The following NUDT3 variants were observed in gnomAD, a reference collection of about 807,000 sequenced individuals.
NUDT3 encodes diphosphoinositol polyphosphate phosphohydrolase 1.
Under a neutral mutation model 23.6 loss-of-function variants are expected in NUDT3, and 9 were observed. The ratio of observed to expected loss-of-function variants is 0.38; its 90% CI spans 0.23 to 0.66. The LOEUF (loss-of-function observed/expected upper bound fraction) is 0.66. NUDT3 is among the 30% of genes least tolerant of loss of function. NUDT3 has a pLI of 0.52. For missense variants in NUDT3, 172 were observed against 218.5 expected, an observed-to-expected ratio of 0.79 and a Z score of 1.34; for synonymous variants, 86 against 82.6, an observed-to-expected ratio of 1.04 and a Z score of -0.22.
chr6:34,341,830 G>A, intron 2 of NUDT3, 32 bp downstream of exon 2: 2 of 1,593,304 alleles, frequency 1.3e-6, no homozygotes, highest in South Asian at 2.2e-5. Context: ...TGATGACGAG[G>A]CACAGCTGTG....
chr6:34,362,871 A>G (rs943438492), intron 1 of NUDT3, among the ~76,000 whole-genome samples: 3 of 152,072 alleles, frequency 2.0e-5, no homozygotes, highest in Non-Finnish European at 2.9e-5. Flanking sequence ...TTTAAAGAGA[A>G]TAATTCAGAC....
At chr6:34,351,198 TAA>T (rs71000051) in intron 1 of NUDT3, among the ~76,000 whole-genome samples, 207 of 17,868 alleles carry the variant, frequency 0.012, 1 homozygote, top group East Asian at 0.082. Context: ...CTCCCCTGCC[TAA>T]AAAAAAAAAA....
intron 1 of NUDT3, among the ~76,000 whole-genome samples, chr6:34,382,808 A>G (rs1765044026): frequency 6.6e-6 from 1 of 151,424 alleles, no homozygotes; most frequent in African/African-American, 2.4e-5. Flanking sequence ...ACCAACCTGG[A>G]TGACAGAGCA....
At chr6:34,327,600 A>G (rs1009812684) in intron 2 of NUDT3, among the ~76,000 whole-genome samples, 1 of 152,166 alleles carries the variant, frequency 6.6e-6, no homozygotes, top group African/African-American at 2.4e-5. Context: ...GCTATCTTCT[A>G]AGAACTTCAA....
intron 1 of NUDT3, among the ~76,000 whole-genome samples, chr6:34,374,135 C>T (rs145798964): frequency 2.2e-3 from 268 of 119,754 alleles, no homozygotes; most frequent in African/African-American, 7.9e-3. Context: ...CCAGCCTGGG[C>T]GACAGAACAA....
At chr6:34,338,855 G>A (rs1485963703) in intron 2 of NUDT3, among the ~76,000 whole-genome samples, 1 of 152,236 alleles carries the variant, frequency 6.6e-6, no homozygotes, top group Non-Finnish European at 1.5e-5. Context: ...AGGGAATCTG[G>A]TTGGGTCAAA....
intron 1 of NUDT3, among the ~76,000 whole-genome samples, chr6:34,345,643 A>G (rs1204616347): frequency 6.9e-6 from 1 of 144,034 alleles, no homozygotes; most frequent in Non-Finnish European, 1.5e-5. Context: ...AGCATGGGCG[A>G]CAGAGCGAGA....
chr6:34,378,492 G>A (rs948825940), intron 1 of NUDT3, among the ~76,000 whole-genome samples: 8 of 152,144 alleles, frequency 5.3e-5, no homozygotes, highest in African/African-American at 1.9e-4. Context: ...AACAAAGCCT[G>A]GCTGTCTGAA....
chr6:34,326,326 C>T (rs1476260953), intron 2 of NUDT3, among the ~76,000 whole-genome samples: 1 of 152,080 alleles, frequency 6.6e-6, no homozygotes, highest in Non-Finnish European at 1.5e-5. Flanking sequence ...GGTTAAAAAC[C>T]TTTATTTGCT....
At chr6:34,360,523 G>A (rs931344701) in intron 1 of NUDT3, among the ~76,000 whole-genome samples, 4 of 152,024 alleles carry the variant, frequency 2.6e-5, no homozygotes, top group East Asian at 3.9e-4. Flanking sequence ...GCCGTGAGCC[G>A]AGATAATCAA....
intron 1 of NUDT3, among the ~76,000 whole-genome samples, chr6:34,378,913 T>C (rs777444056): frequency 1.3e-5 from 2 of 152,226 alleles, no homozygotes; most frequent in Non-Finnish European, 2.9e-5. Context: ...GTGGCACCAT[T>C]GTGTATGCTT....
intron 2 of NUDT3, among the ~76,000 whole-genome samples, chr6:34,322,588 T>C (rs1482485879): frequency 1.3e-5 from 2 of 152,144 alleles, no homozygotes; most frequent in Non-Finnish European, 2.9e-5. Flanking sequence ...AGAATGGAAA[T>C]ACAGTTCTAT....
chr6:34,391,016 T>C (rs550565429), intron 1 of NUDT3, among the ~76,000 whole-genome samples: 1 of 152,318 alleles, frequency 6.6e-6, no homozygotes, highest in East Asian at 1.9e-4. Flanking sequence ...CCAAATCTCC[T>C]TTCGTTCTGT....
At chr6:34,372,085 A>G (rs923623004) in intron 1 of NUDT3, among the ~76,000 whole-genome samples, 5 of 152,080 alleles carry the variant, frequency 3.3e-5, no homozygotes, top group African/African-American at 1.2e-4. Flanking sequence ...ATCATTTTTT[A>G]TGGCTGCATA....
chr6:34,367,463 C>T (rs994663375), intron 1 of NUDT3, among the ~76,000 whole-genome samples: 11 of 145,786 alleles, frequency 7.5e-5, no homozygotes, highest in Non-Finnish European at 1.7e-4. Context: ...GCCTGGACGA[C>T]AAGAGTGAGA....
intron 2 of NUDT3, among the ~76,000 whole-genome samples, chr6:34,313,957 C>T (rs1363694269): frequency 2.0e-5 from 3 of 151,546 alleles, no homozygotes; most frequent in Non-Finnish European, 4.4e-5. Flanking sequence ...ATTAGCCAGG[C>T]GTGGTGGCAC....
chr6:34,334,918 G>C (rs1278597814), intron 2 of NUDT3, among the ~76,000 whole-genome samples: 1 of 91,624 alleles, frequency 1.1e-5, no homozygotes, highest in Admixed American at 1.2e-4. Context: ...GAGAAGAAAA[G>C]AAAAAGAAAA....
Position 34,353,018 on chromosome 6 carries a change from T to C in NUDT3, c.100-11046A>G, listed in dbSNP as rs182933430. Among the ~76,000 whole-genome samples the C allele has an allele frequency of 1.8e-4, 27 of 152,326 alleles. No homozygotes were observed. In the East Asian group the frequency reaches 4.8e-3, roughly 27 times the overall value. On this transcript the variant is annotated intron_variant, in intron 1 of 4. Transcript: ENST00000607016. ...TATTTTTTTAATAGTACATAATGTA[T>C]ATATTCAAAGGGTATAAAAAAACAT... is the stretch of plus-strand genomic sequence containing the variant.
At chr6:34,351,294 G>C (rs1280995714) in intron 1 of NUDT3, among the ~76,000 whole-genome samples, 1 of 145,430 alleles carries the variant, frequency 6.9e-6, no homozygotes, top group African/African-American at 2.6e-5. Flanking sequence ...GGGCAATATG[G>C]AGAGACCTGT....
Sources: gnomAD v4.1 joint callset for allele counts (sites outside exome capture counted in the v4.1 genomes callset) on GRCh38, gnomAD v4.1.1 for gene constraint, MANE v1.5 for transcripts, NCBI Gene and HGNC (gene_info 2026-07-23, HGNC 2026-07-21) for gene names.